The following DAB1 variants were observed in gnomAD, a reference collection of about 807,000 sequenced individuals.
DAB1 encodes the protein disabled homolog 1.
DAB1 carries 15 observed loss-of-function variants against 64.6 expected under a neutral mutation model. The observed-to-expected ratio is 0.23, with a 90% CI of 0.16 to 0.36. The LOEUF is 0.36. Among genes scored for constraint, DAB1 ranks in the 10% least tolerant of loss-of-function variants. The pLI is 1.00. For synonymous variants in DAB1, 235 were observed against 251.9 expected, an observed-to-expected ratio of 0.93 and a Z score of 0.64; for missense variants, 596 against 706.7, an observed-to-expected ratio of 0.84 and a Z score of 1.78.
chr1:57,018,229 T>C (rs1470424375), intron 11 of DAB1, among the ~76,000 whole-genome samples: 1 of 152,188 alleles, frequency 6.6e-6, no homozygotes, highest in East Asian at 1.9e-4. Flanking sequence ...GTGTTCACTA[T>C]TTTGGAAAAT....
intron 4 of DAB1, among the ~76,000 whole-genome samples, chr1:58,252,915 T>C (rs1020278359): frequency 1.3e-5 from 2 of 152,228 alleles, no homozygotes; most frequent in East Asian, 1.9e-4. Context: ...ACTCAATGTA[T>C]TGCACTTCTC....
intron 7 of DAB1, among the ~76,000 whole-genome samples, chr1:57,531,342 G>A (rs1019366696): frequency 6.6e-6 from 1 of 151,958 alleles, no homozygotes; most frequent in African/African-American, 2.4e-5. Context: ...ACTACCCACC[G>A]AAATCCTATA....
intron 4 of DAB1, among the ~76,000 whole-genome samples, chr1:58,289,368 A>G (rs866943841): frequency 6.6e-6 from 1 of 152,172 alleles, no homozygotes; most frequent in African/African-American, 2.4e-5. Context: ...CCTCAAGATC[A>G]TTTACATAGA....
intron 5 of DAB1, among the ~76,000 whole-genome samples, chr1:58,039,631 C>T (rs1393031501): frequency 2.0e-5 from 3 of 152,100 alleles, no homozygotes; most frequent in East Asian, 1.9e-4. Flanking sequence ...TTTCAGCCTA[C>T]AGGAGTTTGA....
chr1:57,211,288 G>C (rs533751499), intron 2 of DAB1, among the ~76,000 whole-genome samples: 2 of 152,142 alleles, frequency 1.3e-5, no homozygotes, highest in Non-Finnish European at 2.9e-5. Context: ...AAACTGCTGC[G>C]GTCTGGTGGG....
At chr1:57,595,634 C>A (rs987689156) in intron 7 of DAB1, among the ~76,000 whole-genome samples, 3 of 151,946 alleles carry the variant, frequency 2.0e-5, no homozygotes, top group East Asian at 1.9e-4. Context: ...GTTCCCCCCC[C>A]ACCCCCCAAA....
chr1:57,679,996 G>A (rs1227077968), intron 6 of DAB1, among the ~76,000 whole-genome samples: 3 of 152,150 alleles, frequency 2.0e-5, no homozygotes, highest in Non-Finnish European at 2.9e-5. Flanking sequence ...AGGTGAATGG[G>A]AATTAGAACC....
rs190477211 is a variant in DAB1, at chr1:57,220,425, A to G, written c.67+70539T>C. Among the ~76,000 whole-genome samples, 46 of 152,338 alleles carry G rather than the reference A, an allele frequency of 3.0e-4. 1 individual carries two copies. Among genetic ancestry groups the G allele is most frequent in the African/African-American group, 9.1e-4 (38 of 41,580 alleles). On this transcript the variant is annotated intron_variant, in intron 2 of 14. Transcript: ENST00000371236. ...GGTAACAACCATAACCATAATTAACATTAGTACTACTTGCAGATTTCACAT... is the reference window on the plus strand; with the variant it reads ...GGTAACAACCATAACCATAATTAACGTTAGTACTACTTGCAGATTTCACAT...
chr1:57,445,886 G>T (rs1570527270), intron 7 of DAB1, among the ~76,000 whole-genome samples: 1 of 152,132 alleles, frequency 6.6e-6, no homozygotes, highest in Non-Finnish European at 1.5e-5. Context: ...TAGGTTTAAT[G>T]CTTTCTTACA....
chr1:57,300,427 A>T (rs760518113), intron 1 of DAB1, among the ~76,000 whole-genome samples: 10 of 152,128 alleles, frequency 6.6e-5, no homozygotes, highest in Non-Finnish European at 1.0e-4. Flanking sequence ...AACAGGGGGG[A>T]TGCAGACGGA....
chr1:57,751,641 G>A (rs979937380), intron 6 of DAB1, among the ~76,000 whole-genome samples: 1 of 152,046 alleles, frequency 6.6e-6, no homozygotes, highest in African/African-American at 2.4e-5. Flanking sequence ...AAGGAAAGAA[G>A]GAAGATGGAG....
In DAB1 at chr1:58,435,403, G is replaced by A. The variant is rs141111698; in HGVS notation, n.257+70657C>T. Among the ~76,000 whole-genome samples, 233 of 151,772 alleles carry A rather than the reference G, an allele frequency of 1.5e-3. 1 individual carries two copies. The highest frequency in any genetic ancestry group is 5.2e-3 in the African/African-American group (216 of 41,320). ...ATGACCTTGTTTTTCCCCCATGGTC[G>A]TAGCTACCACTCATATCTTATGCAT... On this transcript the variant is annotated intron_variant and non_coding_transcript_variant, in intron 3 of 20. Coordinates refer to the DAB1 transcript ENST00000485760.
chr1:58,012,316 T>TCAGGAGG (rs1646679237), intron 5 of DAB1, among the ~76,000 whole-genome samples: 2 of 152,112 alleles, frequency 1.3e-5, no homozygotes, highest in Admixed American at 1.3e-4. Flanking sequence ...CTTAAGTGAG[T>TCAGGAGG]CAGGAGGCTC....
intron 14 of DAB1, among the ~76,000 whole-genome samples, chr1:57,002,206 C>T (rs1645894844): frequency 6.6e-6 from 1 of 152,122 alleles, no homozygotes; most frequent in South Asian, 2.1e-4. Context: ...AAGTGAAACA[C>T]CCAATTTTCT....
intron 4 of DAB1, chr1:58,229,008 C>T (rs1026063341): frequency 9.2e-5 from 38 of 414,300 alleles, no homozygotes; most frequent in Middle Eastern, 6.3e-4. Flanking sequence ...CCACCTGGGG[C>T]AGATCACCCA....
intron 3 of DAB1, among the ~76,000 whole-genome samples, chr1:58,373,414 T>C (rs1440447928): frequency 6.8e-6 from 1 of 147,780 alleles, no homozygotes; most frequent in Non-Finnish European, 1.5e-5. Flanking sequence ...TGAGTGAGAA[T>C]ATGCGGTGTT....
chr1:57,127,256 G>A (rs919485066), intron 4 of DAB1, among the ~76,000 whole-genome samples: 2 of 152,184 alleles, frequency 1.3e-5, no homozygotes, highest in Non-Finnish European at 2.9e-5. Flanking sequence ...AGACACCCAA[G>A]TGGACAGCTC....
At chr1:58,487,098 C>T (rs888490038) in intron 3 of DAB1, among the ~76,000 whole-genome samples, 1 of 152,126 alleles carries the variant, frequency 6.6e-6, no homozygotes, top group African/African-American at 2.4e-5. Context: ...AACGTGACAT[C>T]GTGAGGTGAA....
At chr1:58,524,280 A>G (rs989392552) in intron 2 of DAB1, among the ~76,000 whole-genome samples, 1 of 152,192 alleles carries the variant, frequency 6.6e-6, no homozygotes, top group Non-Finnish European at 1.5e-5. Flanking sequence ...ATTTTCTTAA[A>G]GCATCTGGGA....
Sources: allele counts gnomAD v4.1 joint callset (sites outside exome capture counted in the v4.1 genomes callset), GRCh38; gene constraint gnomAD v4.1.1; transcripts MANE v1.5; gene names NCBI Gene and HGNC (gene_info 2026-07-23, HGNC 2026-07-21).